Variants in ITGB6 observed in about 807,000 individuals in gnomAD.
The protein encoded by ITGB6 is integrin subunit beta 6, also known as integrin beta-6.
In ITGB6, 80 loss-of-function variants were observed where a neutral mutation model predicts 84.5. The observed-to-expected ratio is 0.95, with a 90% CI of 0.79 to 1.14. The LOEUF (loss-of-function observed/expected upper bound fraction) is 1.14, where lower values mean the gene tolerates loss of function less well. ITGB6 is among the 50% of genes most tolerant of loss of function. ITGB6 has a pLI of 0.00. For synonymous variants in ITGB6, 383 were observed against 354.9 expected (o/e 1.08, Z -0.89); for missense variants, 1,006 against 968.0 (o/e 1.04, Z -0.52).
At chr2:160,167,869 T>A (rs1333064686) in intron 7 of ITGB6, among the ~76,000 whole-genome samples, 3 of 152,118 alleles carry the variant, frequency 2.0e-5, no homozygotes, top group African/African-American at 7.2e-5. Flanking sequence ...CAACTCCTCC[T>A]CCCACTTCTA....
intron 7 of ITGB6, among the ~76,000 whole-genome samples, chr2:160,142,784 G>A (rs896664106): frequency 1.3e-5 from 2 of 152,188 alleles, no homozygotes; most frequent in African/African-American, 4.8e-5. Flanking sequence ...TCCAGGCATC[G>A]GGCATGGCCA....
intron 7 of ITGB6, among the ~76,000 whole-genome samples, chr2:160,148,657 CG>C: frequency 6.6e-6 from 1 of 152,286 alleles, no homozygotes; most frequent in African/African-American, 2.4e-5. Context: ...TTGCCTCACC[CG>C]GGAAGTGCAA....
Position 160,100,104 on chromosome 2 carries a change from T to C in ITGB6, c.*1632A>G, listed in dbSNP as rs879244543. The C allele has an allele frequency of 3.3e-5, 5 of 152,180 alleles. No homozygotes were observed. In the South Asian group the frequency reaches 8.3e-4, roughly 25 times the overall value. 9.4% of individuals were successfully genotyped at this position (152,180 alleles called of 1,614,324 possible). ...TTCTTTCACCTAGCCCTGTACTCTGTAAAGGTCTGATTTACCTGAGTTATC... is the reference window on the plus strand; with the variant it reads ...TTCTTTCACCTAGCCCTGTACTCTGCAAAGGTCTGATTTACCTGAGTTATC... On this transcript the variant is annotated 3_prime_UTR_variant, in exon 15 of 15. Coordinates refer to ENST00000283249, the MANE Select transcript of ITGB6 (RefSeq NM_000888.5).
intron 10 of ITGB6, among the ~76,000 whole-genome samples, chr2:160,133,885 C>G (rs956652422): frequency 7.9e-5 from 12 of 152,102 alleles, no homozygotes; most frequent in African/African-American, 2.7e-4. Context: ...ATACCAGAAT[C>G]TCTGGGACAC....
chr2:160,113,019 GC>G (rs1318252613), intron 12 of ITGB6, among the ~76,000 whole-genome samples: 9 of 152,204 alleles, frequency 5.9e-5, no homozygotes, highest in Non-Finnish European at 1.3e-4. Context: ...AAACAAATTT[GC>G]TTAACTGTTC....
rs1261784033 is a variant in ITGB6, at chr2:160,126,379, C to G, written c.1883G>C (p.Arg628Pro). Residue 628 changes from arginine (R) to proline (P), a missense_variant and splice_region_variant, in exon 11 of 15, where the codon CGG becomes CCG. Arg to Pro is a moderately radical substitution (Grantham distance 103, BLOSUM62 -2). Transcript: ENST00000283249. ...GAATGGAGAAAAGCAGAGACATTACCGTTTAGAGTTACAGGGGTCACCACA... is the reference window on the plus strand; with the variant it reads ...GAATGGAGAAAAGCAGAGACATTACGGTTTAGAGTTACAGGGGTCACCACA... ...PTCGDPCNSK[R>P]SCIECHLSAA... 4 of 1,613,428 alleles carry G rather than the reference C, an allele frequency of 2.5e-6. No homozygotes were observed. The South Asian group carries it at 4.4e-5, about 18-fold the overall frequency.
intron 13 of ITGB6, among the ~76,000 whole-genome samples, chr2:160,109,301 T>C (rs1697029129): frequency 6.6e-6 from 1 of 152,230 alleles, no homozygotes; most frequent in Non-Finnish European, 1.5e-5. Flanking sequence ...TATTCTCGCA[T>C]AGCAAATGAA....
chr2:160,175,226 C>T (rs879533270), intron 4 of ITGB6, among the ~76,000 whole-genome samples: 4 of 152,222 alleles, frequency 2.6e-5, no homozygotes, highest in Non-Finnish European at 5.9e-5. Context: ...CAATGTTAGG[C>T]TTCAGTTCAT....
At chr2:160,158,838 T>A (rs1435483661) in intron 7 of ITGB6, among the ~76,000 whole-genome samples, 1 of 152,162 alleles carries the variant, frequency 6.6e-6, no homozygotes, top group Non-Finnish European at 1.5e-5. Flanking sequence ...CGGTGGCTCA[T>A]GCCTGTAATC....
At position 160,107,691 on chromosome 2, in the gene ITGB6, G is replaced by A. The variant is rs749701898; in HGVS notation, c.2256C>T (p.Ala752=). 6.2e-7 allele frequency: 1 copy of A among 1,613,924 alleles called. No individual in the cohort carries two copies. Among genetic ancestry groups the A allele is most frequent in the Non-Finnish European group, 8.5e-7 (1 of 1,179,856 alleles). Residue 752 remains alanine, a synonymous_variant, in exon 14 of 15, where the codon GCC becomes GCT. Coordinates refer to ENST00000283249, the MANE Select transcript of ITGB6 (RefSeq NM_000888.5). The stretch of plus-strand genomic sequence containing the variant: ...AGTTTCCACATACCGTTTGCCACTT[G>A]GCTTTTGATCGTTCTGCTTCAAATT... ...VAKFEAERSK[A]KWQTGTNPLY...
intron 13 of ITGB6, among the ~76,000 whole-genome samples, chr2:160,109,172 C>A (rs532782450): frequency 7.2e-5 from 11 of 152,300 alleles, no homozygotes; most frequent in African/African-American, 2.2e-4. Context: ...CCACTAACAG[C>A]ATGATGCCTG....
At chr2:160,112,223 T>C (rs1682564735) in intron 12 of ITGB6, 24 bp from the exon 13 acceptor site, 1 of 1,542,538 alleles carries the variant, frequency 6.5e-7, no homozygotes, top group African/African-American at 1.5e-5. Context: ...AGTCATTCAT[T>C]AGGTTAAACA....
intron 7 of ITGB6, among the ~76,000 whole-genome samples, chr2:160,147,966 A>G (rs1684264312): frequency 6.6e-6 from 1 of 152,230 alleles, no homozygotes. Flanking sequence ...AAAAATTGGT[A>G]AGCTGGACTT....
At chr2:160,157,307 G>T (rs1313939145) in intron 7 of ITGB6, among the ~76,000 whole-genome samples, 1 of 152,206 alleles carries the variant, frequency 6.6e-6, no homozygotes, top group Non-Finnish European at 1.5e-5. Context: ...TTTAAAGGAA[G>T]AGGGGGACAT....
intron 7 of ITGB6, among the ~76,000 whole-genome samples, chr2:160,150,980 A>G (rs1684392092): frequency 6.6e-6 from 1 of 152,116 alleles, no homozygotes; most frequent in African/African-American, 2.4e-5. Context: ...CTACAAAGAG[A>G]CTTAGACACC....
chr2:160,110,635 C>T (rs1682461510), intron 13 of ITGB6, among the ~76,000 whole-genome samples: 1 of 152,196 alleles, frequency 6.6e-6, no homozygotes, highest in East Asian at 1.9e-4. Flanking sequence ...AAAGAAGCCA[C>T]CTGTGTCCAC....
intron 4 of ITGB6, among the ~76,000 whole-genome samples, chr2:160,193,634 G>A (rs72994797): frequency 0.044 from 6,714 of 152,236 alleles, 467 homozygotes; most frequent in African/African-American, 0.15. Flanking sequence ...AAGGAGTTGC[G>A]AGGGAGTGGG....
intron 4 of ITGB6, among the ~76,000 whole-genome samples, chr2:160,192,478 G>A (rs1040217128): frequency 6.6e-6 from 1 of 152,038 alleles, no homozygotes; most frequent in Admixed American, 6.6e-5. Context: ...ACTAATCTGA[G>A]ATCAGAAGCC....
At chr2:160,183,937 C>G (rs1413898196) in intron 4 of ITGB6, among the ~76,000 whole-genome samples, 3 of 152,096 alleles carry the variant, frequency 2.0e-5, no homozygotes, top group Non-Finnish European at 4.4e-5. Flanking sequence ...CCAATGAGAA[C>G]AAAGACACAA....
Sources: gnomAD v4.1 joint callset for allele counts (sites outside exome capture counted in the v4.1 genomes callset) on GRCh38, gnomAD v4.1.1 for gene constraint, MANE v1.5 for transcripts, NCBI Gene and HGNC (gene_info 2026-07-23, HGNC 2026-07-21) for gene names.